The following ATR variants were observed in gnomAD, a reference collection of about 807,000 sequenced individuals.
ATR encodes the protein ATR checkpoint kinase, also known as serine/threonine-protein kinase ATR.
ATR carries 142 observed loss-of-function variants against 305.3 expected under a neutral mutation model. The observed-to-expected ratio is 0.47, with a 90% CI of 0.41 to 0.53. The LOEUF is 0.53. ATR is among the 20% of genes least tolerant of loss of function. ATR has a pLI of 0.00. For synonymous variants in ATR, 1,050 were observed against 1,068.1 expected, an observed-to-expected ratio of 0.98 and a Z score of 0.33; for missense variants, 2,135 against 3,133.1, an observed-to-expected ratio of 0.68 and a Z score of 7.60.
chr3:142,458,206 T>C (rs1192356235), intron 44 of ATR, among the ~76,000 whole-genome samples: 3 of 152,220 alleles, frequency 2.0e-5, no homozygotes, highest in Non-Finnish European at 4.4e-5. Flanking sequence ...AAATAAAACA[T>C]GTCATATAAT....
chr3:142,475,639 T>A (rs568485342), intron 36 of ATR, among the ~76,000 whole-genome samples: 52 of 152,296 alleles, frequency 3.4e-4, no homozygotes, highest in African/African-American at 1.2e-3. Context: ...GGTCAAATGG[T>A]ATTTCTAGTT....
intron 36 of ATR, among the ~76,000 whole-genome samples, chr3:142,478,302 T>C (rs1259193469): frequency 1.3e-5 from 2 of 152,224 alleles, no homozygotes; most frequent in Non-Finnish European, 2.9e-5. Flanking sequence ...TTTGTTCTCG[T>C]TGGTTTCAAA....
At chr3:142,449,813 G>T in intron 46 of ATR, 1 of 575,572 alleles carries the variant, frequency 1.7e-6, no homozygotes, top group Non-Finnish European at 3.1e-6. Context: ...AACATCAACT[G>T]CTTGGACATG....
Position 142,515,473 on chromosome 3 carries a change from C to A in ATR, c.4425G>T (p.Lys1475Asn). ...SQKSTDWSGVKKPIYLSKLGS... is the reference protein window; with the variant it reads ...SQKSTDWSGVNKPIYLSKLGS... ...CCAATTTACTTAAGTAAATTGGCTT[C>A]TTTACTCCAGACCAATCGGTTGACT... Residue 1475 changes from lysine to asparagine, a missense_variant, in exon 25 of 47, where the codon AAG becomes AAT. Lys to Asn is a moderately conservative substitution (Grantham distance 94). This residue lies in a region of ATR where 202 missense variants were observed against 252.9 expected (regional missense o/e 0.80). Coordinates refer to ENST00000350721, the MANE Select transcript of ATR (RefSeq NM_001184.4). 1 of 1,612,790 alleles carries A rather than the reference C, an allele frequency of 6.2e-7. No homozygotes were observed.
intron 25 of ATR, among the ~76,000 whole-genome samples, chr3:142,514,501 G>A (rs2032764393): frequency 6.6e-6 from 1 of 151,704 alleles, no homozygotes; most frequent in Non-Finnish European, 1.5e-5. Context: ...GGGCGTGGTG[G>A]TGGGCACCTG....
chr3:142,512,323 G>C lies in ATR; in HGVS notation c.4789C>G (p.Gln1597Glu), dbSNP rs373665227. 23 of 1,613,142 alleles carry C rather than the reference G, an allele frequency of 1.4e-5. No individual in the cohort carries two copies. Among genetic ancestry groups the C allele is most frequent in the Non-Finnish European group, 1.9e-5 (23 of 1,179,710 alleles). ...GGACATTTCTCAGCTTTCAGTGCCT[G>C]AAATTTGTGCCTTGCCCACTGTGTG... ...HLTQWARHKF[Q>E]ALKAEKCPHS... The change falls in exon 27 of 47, where the codon CAG (glutamine) becomes GAG (glutamate). Residue 1597 changes from glutamine to glutamate, a missense_variant. Around this residue, in one of 9 missense-constraint regions of ATR, gnomAD observed 202 missense variants for 252.9 expected, o/e 0.80. Coordinates refer to ENST00000350721, the MANE Select transcript of ATR (RefSeq NM_001184.4).
rs2108488315 is a variant in ATR, at chr3:142,562,870, A to C, written c.532T>G (p.Phe178Val). 1 of 1,610,914 alleles carries C rather than the reference A, an allele frequency of 6.2e-7. No homozygotes were observed. ...ATGTGTTCATCTAATTGACTTAAAA[A>C]TCGGCTCATGACCACTGGCCATTCC... is the stretch of plus-strand genomic sequence containing the variant. ...AVEWPVVMSR[F>V]LSQLDEHMGY... The change falls in exon 4 of 47, where the codon TTT (phenylalanine) becomes GTT (valine). Residue 178 changes from phenylalanine (F) to valine (V), a missense_variant. Physicochemically the swap from Phe to Val is conservative, Grantham distance 50. Transcript: ENST00000350721.
intron 16 of ATR, 146 bp from the exon 17 acceptor site, chr3:142,542,903 C>A: frequency 1.4e-6 from 1 of 700,694 alleles, no homozygotes. Context: ...TAAGTTTCTC[C>A]AAAAGCATAT....
At position 142,560,196 on chromosome 3, in the gene ATR, T is replaced by C. The variant is rs796875812; in HGVS notation, c.1541+67A>G. The C allele has an allele frequency of 1.0e-5, 15 of 1,467,364 alleles. No individual in the cohort carries two copies. The South Asian group carries it at 1.4e-4, about 14-fold the overall frequency. The allele number at this position is 1,467,364 out of a possible 1,614,324, so 90.9% of individuals were successfully genotyped here. A position where few individuals can be genotyped will look rare whatever the true frequency, so the allele number is the denominator to read the frequency against. On this transcript the variant is annotated intron_variant, in intron 6 of 46. Coordinates refer to ENST00000350721, the MANE Select transcript of ATR (RefSeq NM_001184.4). ...AAGGTTACATGAGTCAAGTGAATAA[T>C]GAGTAAACAGTAAATCCAAGTTCAT...
At chr3:142,478,200 C>A (rs1381812744) in intron 36 of ATR, among the ~76,000 whole-genome samples, 2 of 152,138 alleles carry the variant, frequency 1.3e-5, no homozygotes, top group Non-Finnish European at 1.5e-5. Context: ...AATTTTAAAT[C>A]TTTCCTGCTT....
Position 142,558,624 on chromosome 3 carries a change from A to T in ATR, c.1885T>A (p.Ser629Thr), listed in dbSNP as rs2108477072. The change falls in exon 8 of 47, where the codon TCA becomes ACA. Residue 629 changes from serine to threonine, a missense_variant and splice_region_variant. By Grantham distance (58) the Ser-to-Thr change is moderately conservative. This residue lies in a region of ATR where 744 missense variants were observed against 873.2 expected (regional missense o/e 0.85). Transcript: ENST00000350721. The part of the protein sequence containing the change: ...TLSCRISDSY[S>T]PQAQSRCVFL... ...CACACACATTCTTGTGAGCACTTAC[A>T]ATAGCTATCTGAAATCCTACAGCTT... 6.2e-7 allele frequency: 1 copy of T among 1,611,706 alleles called. No individual in the cohort carries two copies. The highest frequency in any genetic ancestry group is 8.5e-7 in the Non-Finnish European group (1 of 1,178,538).
chr3:142,465,165 T>C lies in ATR; in HGVS notation c.6973A>G (p.Met2325Val), dbSNP rs2108271120. 6.2e-7 allele frequency: 1 copy of C among 1,608,808 alleles called. No homozygotes were observed. Among genetic ancestry groups the C allele is most frequent in the Non-Finnish European group, 8.5e-7 (1 of 1,176,098 alleles). Residue 2325 changes from methionine to valine, a missense_variant, in exon 41 of 47, where the codon ATG becomes GTG. Around this residue, in one of 9 missense-constraint regions of ATR, gnomAD observed 462 missense variants for 887.6 expected, o/e 0.52. Transcript: ENST00000350721. ...KGSDGKFYIM[M>V]CKPKDDLRKD... ...CTCAGGTCATCTTTTGGCTTACACA[T>C]CATGATGTAGAACTTTCCATCTGAG...
intron 34 of ATR, among the ~76,000 whole-genome samples, chr3:142,494,710 C>T (rs1037025190): frequency 6.6e-6 from 1 of 152,180 alleles, no homozygotes; most frequent in African/African-American, 2.4e-5. Flanking sequence ...TGATGAATGA[C>T]ACTGAGGAAG....
chr3:142,522,020 G>A (rs1221573216), intron 23 of ATR, among the ~76,000 whole-genome samples: 2 of 152,176 alleles, frequency 1.3e-5, no homozygotes, highest in African/African-American at 4.8e-5. Context: ...AAAGGCAACT[G>A]ATGTGGCAAA....
intron 46 of ATR, chr3:142,451,510 G>T: frequency 7.0e-7 from 1 of 1,428,766 alleles, no homozygotes; most frequent in Non-Finnish European, 9.3e-7. Context: ...TGGACCCATA[G>T]AAACAGAAAG....
intron 35 of ATR, among the ~76,000 whole-genome samples, chr3:142,486,959 C>CAA (rs60024459): frequency 0.011 from 786 of 69,628 alleles, 9 homozygotes; most frequent in Middle Eastern, 0.025. Context: ...ACTAAAAATA[C>CAA]AAAAAAAAAA....
intron 25 of ATR, 42 bp from the exon 26 acceptor site, chr3:142,513,680 AT>A (rs1404670316): frequency 6.3e-7 from 1 of 1,590,824 alleles, no homozygotes; most frequent in South Asian, 1.1e-5. Context: ...ACTTTCACAT[AT>A]TGATTAAATG....
In ATR at chr3:142,555,978, G is replaced by A. The variant is rs779047219; in HGVS notation, c.2240C>T (p.Ala747Val). 2 of 1,613,856 alleles carry A rather than the reference G, an allele frequency of 1.2e-6. No homozygotes were observed. The highest frequency in any genetic ancestry group is 4.5e-5 in the East Asian group (2 of 44,868). ...HVDLFCRNLKATSQHECSSSQ... is the reference protein window; with the variant it reads ...HVDLFCRNLKVTSQHECSSSQ... ...AGATGAACATTCATGTTGAGAAGTG[G>A]CTTTCAAGTTCCTACAGAAGAGGTC... is the stretch of plus-strand genomic sequence containing the variant. Residue 747 changes from alanine to valine, a missense_variant, in exon 10 of 47, where the codon GCC (alanine) becomes GTC (valine). Physicochemically the swap from Ala to Val is moderately conservative, Grantham distance 64 (BLOSUM62 0). Coordinates refer to ENST00000350721, the MANE Select transcript of ATR (RefSeq NM_001184.4).
intron 24 of ATR, among the ~76,000 whole-genome samples, chr3:142,518,451 A>T (rs545775104): frequency 6.6e-6 from 1 of 152,342 alleles, no homozygotes; most frequent in South Asian, 2.1e-4. Context: ...CAGGAGGTAG[A>T]GGCTGCAGTG....
Sources: allele counts gnomAD v4.1 joint callset (sites outside exome capture counted in the v4.1 genomes callset), GRCh38; gene constraint gnomAD v4.1.1; regional missense constraint gnomAD v4.1.1; transcripts MANE v1.5; gene names NCBI Gene and HGNC (gene_info 2026-07-23, HGNC 2026-07-21).